Variants in SLC30A9 observed in about 807,000 individuals in gnomAD.
The protein encoded by SLC30A9 is solute carrier family 30 member 9, also known as proton-coupled zinc antiporter SLC30A9, mitochondrial.
A neutral mutation model predicts 87.5 loss-of-function variants in SLC30A9; 58 were observed. The observed-to-expected ratio is 0.66, with a 90% CI of 0.54 to 0.82. The LOEUF is 0.82. SLC30A9 is among the 40% of genes least tolerant of loss of function. The probability of loss-of-function intolerance (pLI) is 0.00; values close to 1 mark genes in which losing one functional copy is unlikely to be tolerated. For synonymous variants in SLC30A9, 234 were observed against 233.0 expected (o/e 1.00, Z -0.04); for missense variants, 557 against 679.1 (o/e 0.82, Z 2.00).
intron 9 of SLC30A9, among the ~76,000 whole-genome samples, chr4:42,054,001 G>A (rs1282523794): frequency 1.3e-5 from 2 of 152,180 alleles, no homozygotes; most frequent in African/African-American, 2.4e-5. Context: ...TGATGGAAAG[G>A]TTCTGTGTCT....
chr4:42,077,972 T>C (rs1718620994), intron 16 of SLC30A9, among the ~76,000 whole-genome samples: 1 of 152,146 alleles, frequency 6.6e-6, no homozygotes, highest in Non-Finnish European at 1.5e-5. Context: ...TCTAACACTA[T>C]TTATTGACTA....
In SLC30A9 at chr4:42,087,087, C is replaced by T. The variant is rs1337918614; in HGVS notation, c.*961C>T. On this transcript the variant is annotated 3_prime_UTR_variant, in exon 18 of 18. Transcript: ENST00000264451. ...GATATTTCTTGCTTTAAGAGAGAGACAGAATCTCTCACTGAAACTCATGGT... is the reference window on the plus strand; with the variant it reads ...GATATTTCTTGCTTTAAGAGAGAGATAGAATCTCTCACTGAAACTCATGGT... 6.6e-6 allele frequency: 1 copy of T among 152,118 alleles called. No homozygotes were observed. Among genetic ancestry groups the T allele is most frequent in the Non-Finnish European group, 1.5e-5 (1 of 68,004 alleles). 9.4% of individuals were successfully genotyped at this position (152,118 alleles called of 1,614,324 possible). A position where few individuals can be genotyped will look rare whatever the true frequency, so the allele number is the denominator to read the frequency against.
rs139529977 is a variant in SLC30A9, at chr4:42,083,908, A to G, written c.1663-2174A>G. On this transcript the variant is annotated intron_variant, in intron 17 of 17. Coordinates refer to ENST00000264451, the MANE Select transcript of SLC30A9 (RefSeq NM_006345.4). The stretch of plus-strand genomic sequence containing the variant: ...TTCCCACATTAGGATCTAAGAGGAA[A>G]GTACCCCCAGGCACACCTGAGCGAC... Among the ~76,000 whole-genome samples the G allele has an allele frequency of 4.8e-3, 733 of 152,326 alleles. 2 individuals carry two copies. The highest frequency in any genetic ancestry group is 0.017 in the African/African-American group (690 of 41,582).
chr4:42,064,562 A>G (rs987118387), intron 11 of SLC30A9, among the ~76,000 whole-genome samples: 8 of 152,212 alleles, frequency 5.3e-5, no homozygotes, highest in African/African-American at 1.9e-4. Flanking sequence ...CATTCTGAAA[A>G]GATTTGGCCA....
rs114418612 is a variant in SLC30A9 at position 42,004,089 on chromosome 4, C to T, written c.274+2309C>T. On this transcript the variant is annotated intron_variant, in intron 2 of 17. Coordinates refer to ENST00000264451, the MANE Select transcript of SLC30A9 (RefSeq NM_006345.4). ...GTCTGATGTACATCCTATACAAGTT[C>T]GTTTAGCTGAGGATCTTTTGTGGGA... 6.3e-3 allele frequency among the ~76,000 whole-genome samples: 956 copies of T among 152,206 alleles called. 4 individuals carry two copies. Among genetic ancestry groups the T allele is most frequent in the African/African-American group, 0.012 (514 of 41,520 alleles).
intron 10 of SLC30A9, among the ~76,000 whole-genome samples, chr4:42,062,019 GC>G (rs1251353353): frequency 6.6e-6 from 1 of 151,728 alleles, no homozygotes; most frequent in African/African-American, 2.4e-5. Flanking sequence ...ACGTGGAGAA[GC>G]CCCGTCTCTA....
At chr4:42,038,936 T>C (rs924434063) in intron 7 of SLC30A9, 50 bp from the exon 8 acceptor site, 3 of 1,369,520 alleles carry the variant, frequency 2.2e-6, no homozygotes, top group African/African-American at 2.9e-5. Flanking sequence ...GTTACAGTGC[T>C]TCTCTGCAAA....
chr4:42,053,032 GT>G (rs200449633), intron 9 of SLC30A9, among the ~76,000 whole-genome samples: 8 of 148,620 alleles, frequency 5.4e-5, no homozygotes, highest in Non-Finnish European at 1.2e-4. Context: ...ATGAGAACCA[GT>G]TTTTTCCCCC....
chr4:42,018,309 C>T, intron 3 of SLC30A9, 139 bp downstream of exon 3: 3 of 765,984 alleles, frequency 3.9e-6, no homozygotes, highest in Non-Finnish European at 6.2e-6. Context: ...ATAGATTGAC[C>T]ATAAGGATTT....
intron 1 of SLC30A9, among the ~76,000 whole-genome samples, chr4:41,993,988 C>G (rs1714576140): frequency 6.6e-6 from 1 of 152,100 alleles, no homozygotes; most frequent in Non-Finnish European, 1.5e-5. Flanking sequence ...GAAACCCCAT[C>G]TCTACCAAAA....
In SLC30A9 at chr4:42,049,551, T is replaced by C. The variant is rs1443700226; in HGVS notation, c.840+72T>C. 4 of 831,728 alleles carry C rather than the reference T, an allele frequency of 4.8e-6. No homozygotes were observed. In the African/African-American group the frequency reaches 7.0e-5, roughly 14 times the overall value. The allele number at this position is 831,728 out of a possible 1,614,324, so 51.5% of individuals were successfully genotyped here. ...GTAGGCTTTAATCTAAAAGTTGATCTATTTTAAAACTGAATGATTCCAGTA... is the reference window on the plus strand; with the variant it reads ...GTAGGCTTTAATCTAAAAGTTGATCCATTTTAAAACTGAATGATTCCAGTA... On this transcript the variant is annotated intron_variant, in intron 9 of 17. Transcript: ENST00000264451.
In SLC30A9 at chr4:42,078,249, C is replaced by G; in HGVS notation, c.1586C>G (p.Thr529Ser). The G allele has an allele frequency of 6.3e-7, 1 of 1,577,974 alleles. No individual in the cohort carries two copies. Among genetic ancestry groups the G allele is most frequent in the South Asian group, 1.1e-5 (1 of 87,294 alleles). Residue 529 changes from threonine (T) to serine (S), a missense_variant, in exon 17 of 18, where the codon ACC (threonine) becomes AGC (serine). Thr to Ser is a moderately conservative substitution (Grantham distance 58, BLOSUM62 1). Transcript: ENST00000264451. ...GTGAAAACTCCTGAAGAACTAGAGA[C>G]CTTTATGCTTAAACATGGAGAAAAT... is the stretch of plus-strand genomic sequence containing the variant. ...QEVKTPEELE[T>S]FMLKHGENII...
chr4:42,052,645 AC>A (rs1717423321), intron 9 of SLC30A9, among the ~76,000 whole-genome samples: 1 of 152,266 alleles, frequency 6.6e-6, no homozygotes, highest in East Asian at 1.9e-4. Flanking sequence ...AGGAAATGAA[AC>A]TTTTTAAAAC....
At chr4:42,081,199 G>T (rs936737305) in intron 17 of SLC30A9, among the ~76,000 whole-genome samples, 2 of 152,116 alleles carry the variant, frequency 1.3e-5, no homozygotes, top group African/African-American at 4.8e-5. Context: ...GTACTTTTAC[G>T]TACTTTCCAT....
intron 9 of SLC30A9, among the ~76,000 whole-genome samples, chr4:42,050,973 T>A (rs1717361327): frequency 1.3e-5 from 2 of 152,144 alleles, no homozygotes. Context: ...GCTATAGAAG[T>A]CTACATAGGG....
At chr4:42,073,866 C>G (rs1419361132) in intron 15 of SLC30A9, among the ~76,000 whole-genome samples, 1 of 152,168 alleles carries the variant, frequency 6.6e-6, no homozygotes, top group African/African-American at 2.4e-5. Context: ...GAGAGGAGAT[C>G]ACACAAGGGC....
chr4:42,000,235 A>G (rs890830520), intron 1 of SLC30A9, among the ~76,000 whole-genome samples: 1 of 17,302 alleles, frequency 5.8e-5, no homozygotes, highest in Admixed American at 1.6e-3. Context: ...TCAGTGTATG[A>G]AAAAAAAGTT....
At chr4:42,064,169 CA>C (rs935152977) in intron 11 of SLC30A9, among the ~76,000 whole-genome samples, 1 of 152,120 alleles carries the variant, frequency 6.6e-6, no homozygotes, top group African/African-American at 2.4e-5. Context: ...CAGCTTTCAC[CA>C]AAGAAATCTT....
At chr4:42,052,615 G>T (rs1425236082) in intron 9 of SLC30A9, among the ~76,000 whole-genome samples, 1 of 152,166 alleles carries the variant, frequency 6.6e-6, no homozygotes, top group Non-Finnish European at 1.5e-5. Flanking sequence ...TTTCGGCAAA[G>T]GTATCAAAGC....
Sources: gnomAD v4.1 joint callset for allele counts (sites outside exome capture counted in the v4.1 genomes callset) on GRCh38, gnomAD v4.1.1 for gene constraint, MANE v1.5 for transcripts, NCBI Gene and HGNC (gene_info 2026-07-23, HGNC 2026-07-21) for gene names.